Variants in ASPH observed in about 807,000 individuals in gnomAD.
The protein encoded by ASPH is aspartyl/asparaginyl beta-hydroxylase.
ASPH carries 100 observed loss-of-function variants against 118.4 expected under a neutral mutation model. The observed-to-expected ratio is 0.84, with a 90% confidence interval of 0.72 to 1.00. ASPH has a LOEUF of 1.00. Among genes scored for constraint, ASPH ranks in the 50% least tolerant of loss-of-function variants. ASPH has a pLI of 0.00. For missense variants in ASPH, 920 were observed against 919.5 expected (o/e 1.00, Z -0.01); for synonymous variants, 315 against 325.6 (o/e 0.97, Z 0.35).
At chr8:61,671,774 G>A (rs1258078322) in intron 3 of ASPH, among the ~76,000 whole-genome samples, 1 of 152,310 alleles carries the variant, frequency 6.6e-6, no homozygotes, top group East Asian at 1.9e-4. Flanking sequence ...ACTGCCTCAG[G>A]CCATTATTCT....
chr8:61,631,235 C>G (rs1451630634), intron 13 of ASPH, among the ~76,000 whole-genome samples: 1 of 151,622 alleles, frequency 6.6e-6, no homozygotes, highest in African/African-American at 2.4e-5. Context: ...TTACTGTAGC[C>G]CAAGTGTACA....
In ASPH at chr8:61,662,844, G is replaced by T. The variant is rs1817614378; in HGVS notation, c.323-9184C>A. On this transcript the variant is annotated intron_variant, in intron 3 of 24. Transcript: ENST00000379454. Reference sequence around the variant, plus strand: ...ACATTTCAAAGTACTTTACTAAATAGCAATAGACAATTCTTATGTGCTTTT... The same window carrying T: ...ACATTTCAAAGTACTTTACTAAATATCAATAGACAATTCTTATGTGCTTTT... The T allele has an allele frequency of 3.1e-6, 3 of 983,236 alleles. No individual in the cohort carries two copies. The South Asian group carries it at 1.4e-4, about 46-fold the overall frequency. 60.9% of individuals were successfully genotyped at this position (983,236 alleles called of 1,614,324 possible).
chr8:61,584,304 TG>T (rs1185351386), intron 14 of ASPH, among the ~76,000 whole-genome samples: 16 of 152,208 alleles, frequency 1.1e-4, no homozygotes, highest in Non-Finnish European at 1.8e-4. Context: ...GATACTGGCT[TG>T]GTTTCTGGGA....
rs145641679 is a variant in ASPH at position 61,526,068 on chromosome 8, T to G, written c.1809A>C (p.Ala603=). ...AGAGACCTTTGGCTTTATCCATCAC[T>G]GCAAGGCCTTCATCTCGGATTAACT... The part of the protein sequence containing the change: ...NWKLIRDEGL[A]VMDKAKGLFL... The change falls in exon 22 of 25, where the codon GCA becomes GCC. Residue 603 remains alanine, a synonymous_variant. Transcript: ENST00000379454. The G allele has an allele frequency of 7.4e-6, 12 of 1,614,062 alleles. No individual in the cohort carries two copies. Among genetic ancestry groups the G allele is most frequent in the Middle Eastern group, 3.3e-4 (2 of 6,060 alleles).
At chr8:61,504,435 C>T (rs1805642113) in intron 24 of ASPH, among the ~76,000 whole-genome samples, 1 of 152,152 alleles carries the variant, frequency 6.6e-6, no homozygotes, top group Admixed American at 6.5e-5. Flanking sequence ...ATGGGAAATG[C>T]TAGCTTGATT....
intron 12 of ASPH, among the ~76,000 whole-genome samples, chr8:61,634,224 T>A (rs1190789818): frequency 1.3e-5 from 2 of 152,186 alleles, no homozygotes; most frequent in East Asian, 3.8e-4. Flanking sequence ...TCAACCCAGT[T>A]ACAATTAAAG....
At chr8:61,538,728 G>A (rs938251879) in intron 21 of ASPH, among the ~76,000 whole-genome samples, 20 of 152,148 alleles carry the variant, frequency 1.3e-4, no homozygotes, top group South Asian at 2.1e-4. Flanking sequence ...TCACATCACT[G>A]GCAAAATATT....
At chr8:61,531,007 C>T (rs1817369546) in intron 21 of ASPH, among the ~76,000 whole-genome samples, 1 of 152,178 alleles carries the variant, frequency 6.6e-6, no homozygotes, top group Non-Finnish European at 1.5e-5. Flanking sequence ...AGTGCAAATT[C>T]ACATTCAGGT....
intron 22 of ASPH, among the ~76,000 whole-genome samples, chr8:61,525,458 T>C (rs749502896): frequency 3.3e-4 from 50 of 152,124 alleles, no homozygotes; most frequent in Non-Finnish European, 4.9e-4. Context: ...TTCCTATTCC[T>C]GAAGAGCTGA....
At position 61,643,935 on chromosome 8, in the gene ASPH, A is replaced by G. The variant is rs1806562571; in HGVS notation, c.709+10T>C. 6.2e-7 allele frequency: 1 copy of G among 1,607,646 alleles called. No homozygotes were observed. Among genetic ancestry groups the G allele is most frequent in the Non-Finnish European group, 8.5e-7 (1 of 1,174,808 alleles). On this transcript the variant is annotated intron_variant, in intron 8 of 24. Coordinates refer to ENST00000379454, the MANE Select transcript of ASPH (RefSeq NM_004318.4). ...GAAAACACATATCAATAATTTTAAC[A>G]TTTACAAACCTGGATTTTCCTGCTC...
chr8:61,578,036 C>A (rs1835937242), intron 15 of ASPH, among the ~76,000 whole-genome samples: 1 of 152,196 alleles, frequency 6.6e-6, no homozygotes, highest in Non-Finnish European at 1.5e-5. Flanking sequence ...CAAGGCAAGT[C>A]CCATCCACTT....
At chr8:61,571,369 G>A (rs12115001) in intron 16 of ASPH, among the ~76,000 whole-genome samples, 11,639 of 151,924 alleles carry the variant, frequency 0.077, 1,240 homozygotes, top group African/African-American at 0.24. Context: ...CATCACTGCC[G>A]CACTGCAATA....
chr8:61,584,151 G>T, intron 14 of ASPH, 122 bp from the exon 15 acceptor site: 1 of 613,466 alleles, frequency 1.6e-6, no homozygotes, highest in Non-Finnish European at 2.8e-6. Context: ...GCAGGAGAAG[G>T]CACACTGCAG....
At chr8:61,637,361 C>T (rs188633984) in intron 12 of ASPH, among the ~76,000 whole-genome samples, 43 of 152,246 alleles carry the variant, frequency 2.8e-4, no homozygotes, top group Admixed American at 1.6e-3. Flanking sequence ...AAGATCTCCA[C>T]GCTCCCTGTT....
At chr8:61,693,137 A>G (rs1833060138) in intron 1 of ASPH, among the ~76,000 whole-genome samples, 1 of 152,118 alleles carries the variant, frequency 6.6e-6, no homozygotes, top group Non-Finnish European at 1.5e-5. Flanking sequence ...GTCCAGCCGT[A>G]ACCATGTGAT....
Position 61,651,130 on chromosome 8 carries a change from A to G in ASPH, c.416-6T>C. 6.2e-7 allele frequency: 1 copy of G among 1,612,674 alleles called. No individual in the cohort carries two copies. On this transcript the variant is annotated splice_polypyrimidine_tract_variant and splice_region_variant and intron_variant, in intron 4 of 24. Coordinates refer to ENST00000379454, the MANE Select transcript of ASPH (RefSeq NM_004318.4). ...ATCTTCGATATTCTGGGGTTCTAAA[A>G]TAATTGCAAAACATAGCTAAGTAGA...
intron 13 of ASPH, among the ~76,000 whole-genome samples, chr8:61,623,469 C>A (rs1851666884): frequency 6.6e-6 from 1 of 152,108 alleles, no homozygotes; most frequent in Non-Finnish European, 1.5e-5. Flanking sequence ...GGGTAGTTTG[C>A]AAATATTTTG....
intron 14 of ASPH, among the ~76,000 whole-genome samples, chr8:61,610,357 A>T (rs945201254): frequency 2.6e-5 from 4 of 152,260 alleles, no homozygotes; most frequent in Admixed American, 1.3e-4. Flanking sequence ...GTGTATTTTA[A>T]CACAGCTAAA....
intron 14 of ASPH, among the ~76,000 whole-genome samples, 161 bp downstream of exon 14, chr8:61,618,817 A>G (rs1438267528): frequency 1.3e-5 from 2 of 152,198 alleles, no homozygotes; most frequent in Non-Finnish European, 1.5e-5. Context: ...GTTTATGTAA[A>G]ATATTAATAA....
Sources: gnomAD v4.1 joint callset for allele counts (sites outside exome capture counted in the v4.1 genomes callset) on GRCh38, gnomAD v4.1.1 for gene constraint, MANE v1.5 for transcripts, NCBI Gene and HGNC (gene_info 2026-07-23, HGNC 2026-07-21) for gene names.